Variants in ANXA5 observed in about 807,000 individuals in gnomAD.
ANXA5 encodes CBP-I.
A neutral mutation model predicts 48.1 loss-of-function variants in ANXA5; 40 were observed. The ratio of observed to expected loss-of-function variants is 0.83; its 90% confidence interval spans 0.65 to 1.08. The LOEUF is 1.08. Ranked by LOEUF, ANXA5 falls within the 50% of genes least tolerant of loss-of-function variation. The probability of loss-of-function intolerance (pLI) is 0.00; values close to 1 mark genes in which losing one functional copy is unlikely to be tolerated. For synonymous variants in ANXA5, 113 were observed against 129.1 expected (o/e 0.88, Z 0.85); for missense variants, 357 against 376.8 (o/e 0.95, Z 0.44).
intron 8 of ANXA5, 145 bp downstream of exon 8, chr4:121,677,746 ACTT>A: frequency 3.0e-6 from 2 of 663,496 alleles, no homozygotes; most frequent in Admixed American, 6.0e-5. Flanking sequence ...AGAAAAAGCT[ACTT>A]ATGTAGGTCT....
At chr4:121,669,402 A>G (rs1049427476) in intron 12 of ANXA5, 200 bp downstream of exon 12, 1 of 649,576 alleles carries the variant, frequency 1.5e-6, no homozygotes, top group African/African-American at 1.8e-5. Context: ...CCTCAGCCAC[A>G]TCAATACCCA....
intron 2 of ANXA5, among the ~76,000 whole-genome samples, chr4:121,695,837 T>C (rs777477984): frequency 3.0e-4 from 45 of 151,300 alleles, no homozygotes; most frequent in Non-Finnish European, 5.7e-4. Context: ...GAGGCAGAGG[T>C]TGTAGTGAGC....
intron 2 of ANXA5, 104 bp from the exon 3 acceptor site, chr4:121,686,476 A>G (rs1724892835): frequency 2.4e-6 from 2 of 830,318 alleles, no homozygotes; most frequent in Non-Finnish European, 3.9e-6. Context: ...CAGTCATTAA[A>G]TAAATTTACC....
At chr4:121,681,537 GTCATTCAT>G in intron 6 of ANXA5, 126 bp downstream of exon 6, 1 of 576,502 alleles carries the variant, frequency 1.7e-6, no homozygotes, top group Non-Finnish European at 3.1e-6. Context: ...TGAATTGCAG[GTCATTCAT>G]TCATTCATTC....
At chr4:121,696,705 G>A (rs2110495271) in intron 1 of ANXA5, 81 bp from the exon 2 acceptor site, 2 of 1,002,030 alleles carry the variant, frequency 2.0e-6, no homozygotes, top group East Asian at 3.3e-5. Context: ...CGGGGACCCG[G>A]CGGCGCTCAG....
chr4:121,696,562 G>C lies in ANXA5; in HGVS notation c.9+19C>G, dbSNP rs201168030. The stretch of plus-strand genomic sequence containing the variant: ...AAGTTGTGGGTAAATCCAGCGCAGT[G>C]GGGGGCGCACGGCCTTACCTGTGCC... On this transcript the variant is annotated intron_variant, in intron 2 of 12. Transcript: ENST00000296511. 62 of 1,395,524 alleles carry C rather than the reference G, an allele frequency of 4.4e-5. No homozygotes were observed. The highest frequency in any genetic ancestry group is 5.4e-5 in the Non-Finnish European group (57 of 1,063,920). 86.4% of individuals were successfully genotyped at this position (1,395,524 alleles called of 1,614,324 possible). A position where few individuals can be genotyped will look rare whatever the true frequency, so the allele number is the denominator to read the frequency against.
chr4:121,689,759 T>C (rs190500107), intron 2 of ANXA5, among the ~76,000 whole-genome samples: 116 of 152,218 alleles, frequency 7.6e-4, no homozygotes, highest in Non-Finnish European at 1.3e-3. Flanking sequence ...GGAAGAACAA[T>C]GTCAACTCTG....
chr4:121,694,108 G>C (rs1161492162), intron 2 of ANXA5, among the ~76,000 whole-genome samples: 4 of 45,586 alleles, frequency 8.8e-5, no homozygotes, highest in Non-Finnish European at 1.9e-4. Context: ...TGGGCGGGGG[G>C]GAGGGGGGAG....
chr4:121,668,604 C>T (rs1724560402), intron 12 of ANXA5, 77 bp from the exon 13 acceptor site: 2 of 1,240,588 alleles, frequency 1.6e-6, no homozygotes, highest in Non-Finnish European at 2.4e-6. Flanking sequence ...TAACTGGCAA[C>T]AAATTTTATT....
intron 4 of ANXA5, among the ~76,000 whole-genome samples, chr4:121,683,807 C>A (rs537856374): frequency 1.3e-5 from 2 of 152,008 alleles, no homozygotes; most frequent in African/African-American, 2.4e-5. Flanking sequence ...TTTGTAATTT[C>A]AAAAAATAAT....
rs1560823966 is a variant in ANXA5 at position 121,672,534 on chromosome 4, C to T, written c.624G>A (p.Lys208=). ...CCCATACAGATTTTTTTCACTCACC[C>T]TTTCTCAAATGAGACACACTTCGTG... ...FGTRSVSHLR[K]VFDKYMTISG... Residue 208 remains lysine, a splice_region_variant and synonymous_variant, in exon 9 of 13, where the codon AAG becomes AAA. Transcript: ENST00000296511. 6 of 1,612,676 alleles carry T rather than the reference C, an allele frequency of 3.7e-6. No homozygotes were observed. Among genetic ancestry groups the T allele is most frequent in the Non-Finnish European group, 5.1e-6 (6 of 1,179,026 alleles).
At chr4:121,692,058 A>G (rs1724995579) in intron 2 of ANXA5, among the ~76,000 whole-genome samples, 1 of 152,070 alleles carries the variant, frequency 6.6e-6, no homozygotes, top group South Asian at 2.1e-4. Context: ...AAAGCGTTAA[A>G]CTCGAACTGG....
intron 6 of ANXA5, among the ~76,000 whole-genome samples, chr4:121,679,802 T>C (rs888500815): frequency 2.0e-5 from 3 of 152,174 alleles, no homozygotes; most frequent in African/African-American, 7.2e-5. Context: ...CATGATGTTT[T>C]CATATATGTG....
intron 2 of ANXA5, among the ~76,000 whole-genome samples, chr4:121,694,214 G>A (rs904979861): frequency 1.3e-5 from 2 of 150,846 alleles, no homozygotes; most frequent in African/African-American, 2.4e-5. Context: ...AAACCTGCAT[G>A]TTGTGCACAC....
intron 2 of ANXA5, among the ~76,000 whole-genome samples, chr4:121,694,347 T>C (rs911915236): frequency 6.6e-6 from 1 of 152,118 alleles, no homozygotes; most frequent in African/African-American, 2.4e-5. Flanking sequence ...AGTTTTGCCT[T>C]CATGACATTC....
intron 6 of ANXA5, among the ~76,000 whole-genome samples, chr4:121,680,092 C>T (rs574961487): frequency 7.2e-5 from 11 of 152,234 alleles, no homozygotes; most frequent in Non-Finnish European, 1.6e-4. Context: ...GTTTTACTAT[C>T]TGTTTCTATG....
chr4:121,686,149 T>C (rs1341439461), intron 3 of ANXA5, 139 bp downstream of exon 3: 2 of 664,248 alleles, frequency 3.0e-6, no homozygotes, highest in Non-Finnish European at 2.6e-6. Context: ...TGGTTTATAG[T>C]ATTATTTTGT....
intron 7 of ANXA5, chr4:121,678,159 A>G: frequency 1.6e-6 from 1 of 610,128 alleles, no homozygotes. Flanking sequence ...CTATGAAAGA[A>G]CAAGATACCG....
At chr4:121,673,836 C>T (rs939846529) in intron 8 of ANXA5, among the ~76,000 whole-genome samples, 2 of 151,908 alleles carry the variant, frequency 1.3e-5, no homozygotes, top group African/African-American at 2.4e-5. Flanking sequence ...ACAAAAACAA[C>T]GCAAGTTCAT....
Sources: gnomAD v4.1 joint callset for allele counts (sites outside exome capture counted in the v4.1 genomes callset) on GRCh38, gnomAD v4.1.1 for gene constraint, MANE v1.5 for transcripts, NCBI Gene and HGNC (gene_info 2026-07-23, HGNC 2026-07-21) for gene names.